Variants in PCDHGB6 observed in about 807,000 individuals in gnomAD.
PCDHGB6 encodes protocadherin gamma-B6.
A neutral mutation model predicts 59.1 loss-of-function variants in PCDHGB6; 51 were observed. The ratio of observed to expected loss-of-function variants is 0.86; its 90% CI spans 0.69 to 1.09. PCDHGB6 has a LOEUF of 1.09. PCDHGB6 is among the 50% of genes least tolerant of loss of function. The pLI, the probability that PCDHGB6 is intolerant of heterozygous loss-of-function variation, is 0.00. For synonymous variants in PCDHGB6, 466 were observed against 495.1 expected, an observed-to-expected ratio of 0.94 and a Z score of 0.78; for missense variants, 1,148 against 1,205.1, an observed-to-expected ratio of 0.95 and a Z score of 0.70.
chr5:141,438,733 C>T (rs2098057443), intron 1 of PCDHGB6, among the ~76,000 whole-genome samples: 1 of 149,042 alleles, frequency 6.7e-6, no homozygotes, highest in Non-Finnish European at 1.5e-5. Context: ...GTGATCTCAG[C>T]TCACTGCAAC....
chr5:141,500,269 C>T (rs977958449), intron 2 of PCDHGB6, among the ~76,000 whole-genome samples: 1 of 151,504 alleles, frequency 6.6e-6, no homozygotes, highest in African/African-American at 2.4e-5. Context: ...ACTGCAGTGG[C>T]GCAATCTCGG....
chr5:141,415,136 G>C (rs763832284), intron 1 of PCDHGB6: 1 of 1,613,548 alleles, frequency 6.2e-7, no homozygotes, highest in Admixed American at 1.7e-5. Flanking sequence ...CAGGACCACG[G>C]CCAGCCCCCT....
chr5:141,494,546 G>T (rs984336435), intron 1 of PCDHGB6, among the ~76,000 whole-genome samples: 1 of 152,152 alleles, frequency 6.6e-6, no homozygotes, highest in African/African-American at 2.4e-5. Context: ...GGAGGAAGGG[G>T]CCATTTCTTT....
Position 141,413,628 on chromosome 5 carries a change from T to G in PCDHGB6, c.2418+3008T>G, listed in dbSNP as rs570797524. 4.3e-6 allele frequency: 7 copies of G among 1,613,878 alleles called. No homozygotes were observed. The African/African-American group carries it at 6.7e-5, about 15-fold the overall frequency. On this transcript the variant is annotated intron_variant, in intron 1 of 3. Coordinates refer to ENST00000520790, the MANE Select transcript of PCDHGB6 (RefSeq NM_018926.3). ...ACGTAAAAATTAATGAAAATGTCGC[T>G]GCGGGAATGCGTTTTCCTCTCCCGG...
chr5:141,428,492 A>C (rs2097142759), intron 1 of PCDHGB6: 1 of 307,660 alleles, frequency 3.3e-6, no homozygotes. Flanking sequence ...TGCAATCTGT[A>C]TGTTCCCTCG....
rs1191967573 is a variant in PCDHGB6 at position 141,408,337 on chromosome 5, G to T, written c.135G>T (p.Ser45=). Residue 45 remains serine, a synonymous_variant, in exon 1 of 4, where the codon TCG becomes TCT. Transcript: ENST00000520790. ...TTCCGGAGGAGCTGGCCAAGGGCTC[G>T]GTGGTGGGGAACCTCGCTAAGGATC... ...YSIPEELAKG[S]VVGNLAKDLG... 3 of 1,613,954 alleles carry T rather than the reference G, an allele frequency of 1.9e-6. No homozygotes were observed. The highest frequency in any genetic ancestry group is 2.5e-6 in the Non-Finnish European group (3 of 1,179,794).
At chr5:141,438,635 TACAC>T (rs56854727) in intron 1 of PCDHGB6, among the ~76,000 whole-genome samples, 720 of 33,094 alleles carry the variant, frequency 0.022, 7 homozygotes, top group Middle Eastern at 0.05. Context: ...TATATATATA[TACAC>T]ACACACACAC....
At chr5:141,419,826 C>T in intron 1 of PCDHGB6, 1 of 1,614,066 alleles carries the variant, frequency 6.2e-7, no homozygotes, top group Non-Finnish European at 8.5e-7. Flanking sequence ...CCCCTTTCAG[C>T]CACTGCCACG....
intron 1 of PCDHGB6, chr5:141,423,597 G>A: frequency 6.2e-7 from 1 of 1,613,188 alleles, no homozygotes; most frequent in Non-Finnish European, 8.5e-7. Context: ...AGAAAAGCGA[G>A]CCACTCTTGA....
chr5:141,506,737 C>T (rs893758261), intron 3 of PCDHGB6, among the ~76,000 whole-genome samples: 5 of 152,076 alleles, frequency 3.3e-5, no homozygotes, highest in African/African-American at 1.2e-4. Flanking sequence ...AGAATAATGC[C>T]TATTAATAAA....
At chr5:141,423,303 G>C (rs779246046) in intron 1 of PCDHGB6, 2 of 1,614,172 alleles carry the variant, frequency 1.2e-6, no homozygotes, top group Non-Finnish European at 1.7e-6. Flanking sequence ...ACCTCTCGCT[G>C]TACTTGGTGG....
chr5:141,436,501 G>A (rs1382579407), intron 1 of PCDHGB6, among the ~76,000 whole-genome samples: 1 of 152,118 alleles, frequency 6.6e-6, no homozygotes, highest in Admixed American at 6.5e-5. Context: ...TTGCAATTAG[G>A]TAAATTGTTA....
intron 1 of PCDHGB6, among the ~76,000 whole-genome samples, chr5:141,453,779 C>T (rs138335951): frequency 0.013 from 2,000 of 152,278 alleles, 24 homozygotes; most frequent in Non-Finnish European, 0.021. Flanking sequence ...ATTTTAGTTA[C>T]CATGGTATAT....
chr5:141,490,804 T>C lies in PCDHGB6; in HGVS notation c.2419-4003T>C. On this transcript the variant is annotated intron_variant, in intron 1 of 3. Coordinates refer to ENST00000520790, the MANE Select transcript of PCDHGB6 (RefSeq NM_018926.3). This position sits in a 1 kb window ranked among gnomAD's most constrained non-coding sequence, Gnocchi z 5.4. The stretch of plus-strand genomic sequence containing the variant: ...TGGACGGATCTTTGCCCAGCGTACC[T>C]TTGACTATGAATTGCTGCAGATGCT... 2 of 1,613,854 alleles carry C rather than the reference T, an allele frequency of 1.2e-6. No homozygotes were observed. Among genetic ancestry groups the C allele is most frequent in the Non-Finnish European group, 1.7e-6 (2 of 1,179,816 alleles).
At chr5:141,441,948 G>A in intron 1 of PCDHGB6, 1 of 332,472 alleles carries the variant, frequency 3.0e-6, no homozygotes, top group Non-Finnish European at 5.8e-6. Flanking sequence ...ACGTGCTGCA[G>A]GCCAGCAAGC....
chr5:141,421,040 C>T (rs2096541229), intron 1 of PCDHGB6: 1 of 545,472 alleles, frequency 1.8e-6, no homozygotes, highest in East Asian at 3.1e-5. Context: ...GTCCCTCCCT[C>T]CCCCGCCTCT....
Position 141,408,096 on chromosome 5 carries a change from C to T in PCDHGB6, c.-107C>T. 5 of 1,434,864 alleles carry T rather than the reference C, an allele frequency of 3.5e-6. No homozygotes were observed. The highest frequency in any genetic ancestry group is 4.6e-6 in the Non-Finnish European group (5 of 1,089,652). 88.9% of individuals were successfully genotyped at this position (1,434,864 alleles called of 1,614,324 possible). On this transcript the variant is annotated 5_prime_UTR_variant, in exon 1 of 4. Transcript: ENST00000520790. Reference sequence around the variant, plus strand: ...TTCCCAGCACAGCGGATTGCCAGCTCCGAGACCCGGGACTCCTCCTGTCCT... The same window carrying T: ...TTCCCAGCACAGCGGATTGCCAGCTTCGAGACCCGGGACTCCTCCTGTCCT...
chr5:141,488,450 C>T (rs2154581002), intron 1 of PCDHGB6, among the ~76,000 whole-genome samples: 1 of 152,314 alleles, frequency 6.6e-6, no homozygotes, highest in East Asian at 1.9e-4. Context: ...TCCTGGGTGA[C>T]CTGATTCAGC....
rs4042104 is a variant in PCDHGB6 at position 141,489,091 on chromosome 5, T to TAAG, written c.2419-5713_2419-5711dup. On this transcript the variant is annotated intron_variant, in intron 1 of 3. Transcript: ENST00000520790. This position sits in a 1 kb window ranked among gnomAD's most constrained non-coding sequence, Gnocchi z 4.5. Reference sequence around the variant, plus strand: ...CTGCCCACCCCCGCCACTCGGTGACTAAGAACTGCTGCAAGCAGGCAAACC... The same window carrying TAAG: ...CTGCCCACCCCCGCCACTCGGTGACTAAGAAGAACTGCTGCAAGCAGGCAAACC... 136,009 of 332,164 alleles carry TAAG rather than the reference T, an allele frequency of 0.41. 28,517 individuals are homozygous for TAAG. The highest frequency in any genetic ancestry group is 0.54 in the Admixed American group (11,651 of 21,676). The allele number at this position is 332,164 out of a possible 1,614,324, so 20.6% of individuals were successfully genotyped here.
Sources: gnomAD v4.1 joint callset for allele counts (sites outside exome capture counted in the v4.1 genomes callset) on GRCh38, gnomAD v4.1.1 for gene constraint, Gnocchi (gnomAD v3.1) non-coding constraint, MANE v1.5 for transcripts, NCBI Gene and HGNC (gene_info 2026-07-23, HGNC 2026-07-21) for gene names.